The following TESMIN variants were observed in gnomAD, a reference collection of about 807,000 sequenced individuals.
TESMIN encodes testis expressed metallothionein like protein.
In TESMIN, 34 loss-of-function variants were observed where a neutral mutation model predicts 47.4. The ratio of observed to expected loss-of-function variants is 0.72; its 90% CI spans 0.55 to 0.96. TESMIN has a LOEUF of 0.96. TESMIN is among the 40% of genes least tolerant of loss of function. The probability of loss-of-function intolerance (pLI) is 0.00; values close to 1 mark genes in which losing one functional copy is unlikely to be tolerated. For synonymous variants in TESMIN, 278 were observed against 258.9 expected (o/e 1.07, Z -0.71); for missense variants, 610 against 637.2 (o/e 0.96, Z 0.46).
Position 68,708,233 on chromosome 11 carries a change from G to T in TESMIN, c.*75C>A. ...GTTGTTGCTGCAGAGCCAGCCTCAT[G>T]TTCCCCTAAACATCCTTTCTAAACT... On this transcript the variant is annotated 3_prime_UTR_variant, in exon 10 of 10. Coordinates refer to ENST00000255087, the MANE Select transcript of TESMIN (RefSeq NM_004923.3). 1 of 1,411,986 alleles carries T rather than the reference G, an allele frequency of 7.1e-7. No individual in the cohort carries two copies. The highest frequency in any genetic ancestry group is 9.6e-7 in the Non-Finnish European group (1 of 1,036,738). The allele number at this position is 1,411,986 out of a possible 1,614,324, so 87.5% of individuals were successfully genotyped here.
At chr11:68,741,980 T>C (rs1415140927) in intron 5 of TESMIN, among the ~76,000 whole-genome samples, 1 of 152,190 alleles carries the variant, frequency 6.6e-6, no homozygotes, top group Non-Finnish European at 1.5e-5. Flanking sequence ...TCCATAACAC[T>C]GAGGAGGGTG....
At chr11:68,713,782 A>G (rs76449929) in intron 7 of TESMIN, among the ~76,000 whole-genome samples, 10,136 of 152,264 alleles carry the variant, frequency 0.067, 383 homozygotes, top group Middle Eastern at 0.15. Context: ...AGCAGCTCAC[A>G]CTGCCTGATC....
At chr11:68,706,967 C>A (rs1297502087), downstream of TESMIN, among the ~76,000 whole-genome samples, 1 of 152,192 alleles carries the variant, frequency 6.6e-6, no homozygotes, top group Non-Finnish European at 1.5e-5. Flanking sequence ...GGTGGCTCCC[C>A]CAGCAGTGCG....
At chr11:68,731,190 A>G (rs1036338749) in intron 6 of TESMIN, among the ~76,000 whole-genome samples, 7 of 152,192 alleles carry the variant, frequency 4.6e-5, no homozygotes, top group Non-Finnish European at 1.0e-4. Flanking sequence ...CTATGGGAGA[A>G]GTGGAGCAGG....
intron 5 of TESMIN, among the ~76,000 whole-genome samples, chr11:68,741,135 T>C (rs1313658887): frequency 1.3e-5 from 2 of 152,136 alleles, no homozygotes; most frequent in Non-Finnish European, 2.9e-5. Flanking sequence ...CCCGAGATTA[T>C]TGCCATAACA....
intron 8 of TESMIN, among the ~76,000 whole-genome samples, chr11:68,712,349 G>A (rs921885475): frequency 1.3e-5 from 2 of 152,214 alleles, no homozygotes; most frequent in South Asian, 2.1e-4. Context: ...TTCCACATCC[G>A]AGCTGGGGAG....
At chr11:68,736,631 A>G in intron 6 of TESMIN, 2 of 984,892 alleles carry the variant, frequency 2.0e-6, no homozygotes, top group Non-Finnish European at 2.4e-6. Flanking sequence ...CATAAAAAAT[A>G]CAAATACACA....
Position 68,707,601 on chromosome 11 carries a change from G to T in TESMIN, c.*707C>A. 4.3e-6 allele frequency: 1 copy of T among 235,260 alleles called. No individual in the cohort carries two copies. Among genetic ancestry groups the T allele is most frequent in the Non-Finnish European group, 9.0e-6 (1 of 110,498 alleles). 14.6% of individuals were successfully genotyped at this position (235,260 alleles called of 1,614,324 possible). On this transcript the variant is annotated 3_prime_UTR_variant, in exon 10 of 10. Coordinates refer to ENST00000255087, the MANE Select transcript of TESMIN (RefSeq NM_004923.3). ...ACAATAATTATGGAGAAGTTAATTGGATAATAGAGCTTTTCCACAATTCAA... is the reference window on the plus strand; with the variant it reads ...ACAATAATTATGGAGAAGTTAATTGTATAATAGAGCTTTTCCACAATTCAA...
At chr11:68,732,834 G>A (rs1946344697) in intron 6 of TESMIN, 2 of 152,152 alleles carry the variant, frequency 1.3e-5, no homozygotes, top group Admixed American at 6.5e-5. Context: ...TAAGTTTCAC[G>A]GACTTCTGGA....
chr11:68,723,312 A>G (rs1946224153), intron 6 of TESMIN, among the ~76,000 whole-genome samples: 1 of 151,976 alleles, frequency 6.6e-6, no homozygotes, highest in African/African-American at 2.4e-5. Flanking sequence ...TATGAAATGT[A>G]CATCTAAATA....
At chr11:68,710,167 A>G (rs1946046966) in intron 9 of TESMIN, among the ~76,000 whole-genome samples, 1 of 152,188 alleles carries the variant, frequency 6.6e-6, no homozygotes, top group Non-Finnish European at 1.5e-5. Context: ...CTCAAAAAAA[A>G]GACCCCTGTA....
At chr11:68,717,795 A>AC (rs1017298357) in intron 6 of TESMIN, among the ~76,000 whole-genome samples, 1 of 151,968 alleles carries the variant, frequency 6.6e-6, no homozygotes, top group Non-Finnish European at 1.5e-5. Context: ...AGCAGCTGGG[A>AC]CCCCCCTGCC....
chr11:68,718,216 G>A (rs902372641), intron 6 of TESMIN, among the ~76,000 whole-genome samples: 6 of 63,862 alleles, frequency 9.4e-5, no homozygotes, highest in East Asian at 6.5e-4. Context: ...GCAGAGTGAC[G>A]CCCAGGGATC....
downstream of TESMIN, among the ~76,000 whole-genome samples, chr11:68,705,359 C>A (rs1945988197): frequency 1.3e-5 from 2 of 152,120 alleles, no homozygotes; most frequent in African/African-American, 4.8e-5. Flanking sequence ...GAAACCGCGC[C>A]CACACTGAAA....
chr11:68,730,379 A>C lies in TESMIN; in HGVS notation c.917+8321T>G, dbSNP rs992824848. Among the ~76,000 whole-genome samples, 12 of 152,248 alleles carry C rather than the reference A, an allele frequency of 7.9e-5. No individual in the cohort carries two copies. In the South Asian group the frequency reaches 8.3e-4, roughly 10 times the overall value. On this transcript the variant is annotated intron_variant, in intron 6 of 9. Coordinates refer to ENST00000255087, the MANE Select transcript of TESMIN (RefSeq NM_004923.3). ...TTTTTATATTTTATATTTTACGTTA[A>C]ATTTTTAAGTTGTATATTTTACAGT... is the stretch of plus-strand genomic sequence containing the variant.
chr11:68,731,156 G>A (rs1045171021), intron 6 of TESMIN, among the ~76,000 whole-genome samples: 1 of 152,186 alleles, frequency 6.6e-6, no homozygotes, highest in African/African-American at 2.4e-5. Flanking sequence ...TGCTAAGAGT[G>A]GAAGCTTCTT....
chr11:68,712,943 C>T (rs372147767), intron 8 of TESMIN, among the ~76,000 whole-genome samples: 1 of 152,118 alleles, frequency 6.6e-6, no homozygotes, highest in Non-Finnish European at 1.5e-5. Context: ...CCTCCGGGAG[C>T]TTCCACCCTG....
chr11:68,711,233 ATGAG>A (rs761467323), intron 8 of TESMIN, among the ~76,000 whole-genome samples, 184 bp from the exon 9 acceptor site: 7 of 150,040 alleles, frequency 4.7e-5, no homozygotes, highest in Non-Finnish European at 1.5e-5. Context: ...GAGTGTGTGT[ATGAG>A]TGTGTGTGGG....
intron 6 of TESMIN, among the ~76,000 whole-genome samples, chr11:68,725,330 A>G (rs928959422): frequency 2.6e-5 from 4 of 152,242 alleles, no homozygotes; most frequent in Non-Finnish European, 5.9e-5. Flanking sequence ...TTTAAAGCTC[A>G]ATGACAAAAG....
Sources: gnomAD v4.1 joint callset for allele counts (sites outside exome capture counted in the v4.1 genomes callset) on GRCh38, gnomAD v4.1.1 for gene constraint, MANE v1.5 for transcripts, NCBI Gene and HGNC (gene_info 2026-07-23, HGNC 2026-07-21) for gene names.